Variants in MYO16 observed in about 807,000 individuals in gnomAD.
MYO16 encodes unconventional myosin-XVI.
Under a neutral mutation model 205.3 loss-of-function variants are expected in MYO16, and 94 were observed. That is an observed-to-expected ratio of 0.46 (90% CI 0.39 to 0.54). The LOEUF is 0.54. Among genes scored for constraint, MYO16 ranks in the 20% least tolerant of loss-of-function variants. The probability of loss-of-function intolerance (pLI) is 0.00; values close to 1 mark genes in which losing one functional copy is unlikely to be tolerated. For missense variants in MYO16, 2,315 were observed against 2,387.5 expected (o/e 0.97, Z 0.63); for synonymous variants, 988 against 954.0 (o/e 1.04, Z -0.66).
chr13:108,832,012 T>G lies in MYO16; in HGVS notation c.1097+8734T>G, dbSNP rs1234215184. ...AAGGAATATTGGCTGGTGCTACAGCTGCTGTAACTTTGGGGTATCATGCTC... is the reference window on the plus strand; with the variant it reads ...AAGGAATATTGGCTGGTGCTACAGCGGCTGTAACTTTGGGGTATCATGCTC... On this transcript the variant is annotated intron_variant, in intron 9 of 34. Transcript: ENST00000457511. Among the ~76,000 whole-genome samples the G allele has an allele frequency of 2.6e-5, 4 of 152,186 alleles. No individual in the cohort carries two copies. The East Asian group carries it at 7.7e-4, about 29-fold the overall frequency.
In MYO16 at chr13:108,756,729, G is replaced by T. The variant is rs1033309746; in HGVS notation, c.508-28906G>T. 3.3e-5 allele frequency among the ~76,000 whole-genome samples: 5 copies of T among 151,974 alleles called. No individual in the cohort carries two copies. In the South Asian group the frequency reaches 1.0e-3, roughly 31 times the overall value. Reference sequence around the variant, plus strand: ...AACAAAGGAAAATGAAAGGATGAGGGTATTCTGTACTCAGTCTATGGATTT... The same window carrying T: ...AACAAAGGAAAATGAAAGGATGAGGTTATTCTGTACTCAGTCTATGGATTT... On this transcript the variant is annotated intron_variant, in intron 4 of 34. Coordinates refer to ENST00000457511, the MANE Select transcript of MYO16 (RefSeq NM_001198950.3).
chr13:108,932,756 T>C (rs1882314287), intron 16 of MYO16, among the ~76,000 whole-genome samples: 1 of 152,166 alleles, frequency 6.6e-6, no homozygotes, highest in Non-Finnish European at 1.5e-5. Flanking sequence ...ATCGTCAGGC[T>C]TACATAGTTT....
chr13:108,842,627 A>G (rs550454108), intron 9 of MYO16, among the ~76,000 whole-genome samples: 1 of 152,232 alleles, frequency 6.6e-6, no homozygotes, highest in African/African-American at 2.4e-5. Flanking sequence ...GGGTGTGTAG[A>G]AAAGGGACCC....
chr13:109,012,767 A>T (rs1481416065), intron 22 of MYO16, among the ~76,000 whole-genome samples: 1 of 105,824 alleles, frequency 9.4e-6, no homozygotes, highest in Non-Finnish European at 1.9e-5. Flanking sequence ...AATTGTTGTT[A>T]TATGTGTGTG....
chr13:109,066,953 C>T (rs958396827), intron 27 of MYO16, among the ~76,000 whole-genome samples: 1 of 149,326 alleles, frequency 6.7e-6, no homozygotes, highest in African/African-American at 2.4e-5. Context: ...TTCTACTCTA[C>T]CAAGTGGTAT....
intron 34 of MYO16, among the ~76,000 whole-genome samples, chr13:109,182,774 AT>A (rs1566552604): frequency 1.3e-5 from 2 of 152,372 alleles, no homozygotes; most frequent in South Asian, 2.1e-4. Context: ...TGTAAAAAAA[AT>A]ATAGAAAATA....
chr13:109,194,224 C>G (rs1880051731), intron 34 of MYO16, among the ~76,000 whole-genome samples: 1 of 152,174 alleles, frequency 6.6e-6, no homozygotes, highest in Non-Finnish European at 1.5e-5. Flanking sequence ...GAACCCACCA[C>G]AGTTCCTTGC....
At chr13:108,665,008 G>T (rs1427660297) in intron 1 of MYO16, among the ~76,000 whole-genome samples, 2 of 152,102 alleles carry the variant, frequency 1.3e-5, no homozygotes, top group East Asian at 3.9e-4. Context: ...AGGTTTCTTG[G>T]AAATGAATGT....
At chr13:108,599,007 C>T (rs1229175810) in intron 1 of MYO16, among the ~76,000 whole-genome samples, 1 of 121,006 alleles carries the variant, frequency 8.3e-6, no homozygotes, top group African/African-American at 3.2e-5. Context: ...CTCCCCCCAC[C>T]CCATCCCCAG....
At chr13:108,998,772 G>A (rs1388412123) in intron 21 of MYO16, among the ~76,000 whole-genome samples, 1 of 152,096 alleles carries the variant, frequency 6.6e-6, no homozygotes, top group East Asian at 1.9e-4. Flanking sequence ...GTTGGCTGGG[G>A]GCCTCAGTTC....
intron 2 of MYO16, among the ~76,000 whole-genome samples, chr13:108,667,251 G>T (rs927174123): frequency 6.7e-6 from 1 of 149,968 alleles, no homozygotes; most frequent in Non-Finnish European, 1.5e-5. Context: ...GAAGACTCAA[G>T]TCATTTTTTT....
At chr13:108,521,971 CA>C in the MYO16 span, among the ~76,000 whole-genome samples, 1 of 152,170 alleles carries the variant, frequency 6.6e-6, no homozygotes, top group East Asian at 1.9e-4. Context: ...GTTGACTTTG[CA>C]TTTCCCCCAG....
At chr13:108,763,787 TTG>T (rs56115831) in intron 4 of MYO16, among the ~76,000 whole-genome samples, 23,038 of 142,352 alleles carry the variant, frequency 0.16, 1,787 homozygotes, top group African/African-American at 0.2. Context: ...AGAAAAGGAG[TTG>T]TGTGTGTGTG....
Position 108,896,645 on chromosome 13 carries a change from A to G in MYO16, c.1660-1371A>G, listed in dbSNP as rs111984841. ...ACTTCCAGGTTAATTCAACACCTTA[A>G]TGTAGCAGATGCCAGGAAATTTAAA... On this transcript the variant is annotated intron_variant, in intron 14 of 34. Transcript: ENST00000457511. 2.0e-3 allele frequency among the ~76,000 whole-genome samples: 312 copies of G among 152,342 alleles called. 6 individuals carry two copies. The highest frequency in any genetic ancestry group is 7.0e-3 in the African/African-American group (291 of 41,574).
chr13:108,708,551 G>A (rs1887125), intron 2 of MYO16, among the ~76,000 whole-genome samples: 96,615 of 151,922 alleles, frequency 0.64, 30,859 homozygotes, highest in East Asian at 0.72. Context: ...CTTATCACCT[G>A]TGATTGTCCT....
intron 27 of MYO16, among the ~76,000 whole-genome samples, chr13:109,086,050 A>C (rs1289651780): frequency 6.6e-6 from 1 of 152,192 alleles, no homozygotes; most frequent in Non-Finnish European, 1.5e-5. Flanking sequence ...TGAAAAATAG[A>C]TTTATAGAGA....
chr13:108,565,252 T>C, the MYO16 span, among the ~76,000 whole-genome samples: 1 of 152,240 alleles, frequency 6.6e-6, no homozygotes, highest in East Asian at 1.9e-4. Flanking sequence ...TTACATTGAA[T>C]CTATTGGTTA....
intron 20 of MYO16, among the ~76,000 whole-genome samples, chr13:108,984,209 A>C (rs1265209766): frequency 6.6e-6 from 1 of 152,144 alleles, no homozygotes. Context: ...ATGGGTCCTG[A>C]GGTCTTAGGA....
chr13:109,064,826 T>C lies in MYO16; in HGVS notation c.3335+9231T>C, dbSNP rs192802523. Among the ~76,000 whole-genome samples, 190 of 152,274 alleles carry C rather than the reference T, an allele frequency of 1.2e-3. 1 individual carries two copies. The highest frequency in any genetic ancestry group is 4.4e-3 in the African/African-American group (182 of 41,566). On this transcript the variant is annotated intron_variant, in intron 27 of 34. Transcript: ENST00000457511. ...ATAGGGTGGAGAAGTGCCCTCCTCA[T>C]AGGGATGTACTGCAAAACACATAAC...
Sources: gnomAD v4.1 joint callset for allele counts (sites outside exome capture counted in the v4.1 genomes callset) on GRCh38, gnomAD v4.1.1 for gene constraint, MANE v1.5 for transcripts, NCBI Gene and HGNC (gene_info 2026-07-23, HGNC 2026-07-21) for gene names.